FBXL17: variants seen among roughly 807,000 people sequenced by gnomAD.
FBXL17 encodes F-box and leucine rich repeat protein 17.
In FBXL17, 22 loss-of-function variants were observed where a neutral mutation model predicts 66.2. That is an observed-to-expected ratio of 0.33 (90% CI 0.24 to 0.47). FBXL17 has a LOEUF of 0.47. FBXL17 is among the 20% of genes least tolerant of loss of function. FBXL17 has a pLI of 1.00. For synonymous variants in FBXL17, 474 were observed against 400.5 expected (o/e 1.18, Z -2.19); for missense variants, 878 against 948.2 (o/e 0.93, Z 0.97).
At chr5:107,979,948 T>A (rs1336518118) in intron 7 of FBXL17, among the ~76,000 whole-genome samples, 1 of 152,352 alleles carries the variant, frequency 6.6e-6, no homozygotes, top group African/African-American at 2.4e-5. Context: ...TAATGGTTTC[T>A]AAATATAAAT....
intron 6 of FBXL17, among the ~76,000 whole-genome samples, chr5:108,163,933 T>G (rs1231263876): frequency 5.3e-5 from 8 of 152,220 alleles, no homozygotes; most frequent in African/African-American, 1.7e-4. Flanking sequence ...ACATGCTAGG[T>G]CATCTAAAAC....
chr5:107,910,073 C>T (rs1001026572), intron 7 of FBXL17, among the ~76,000 whole-genome samples: 4 of 145,740 alleles, frequency 2.7e-5, no homozygotes, highest in African/African-American at 1.0e-4. Flanking sequence ...CAAATAAATG[C>T]AACTCAGAAT....
At chr5:108,206,524 C>T (rs985526715) in intron 5 of FBXL17, among the ~76,000 whole-genome samples, 27 of 152,138 alleles carry the variant, frequency 1.8e-4, no homozygotes, top group African/African-American at 5.6e-4. Context: ...CATTGTACTC[C>T]TTCCTTTTTG....
intron 6 of FBXL17, among the ~76,000 whole-genome samples, chr5:108,176,567 A>T (rs552634570): frequency 1.5e-4 from 23 of 152,270 alleles, no homozygotes; most frequent in African/African-American, 5.5e-4. Context: ...CAACATGGAG[A>T]ATCAATAAGC....
At chr5:107,888,267 T>C (rs527821811) in intron 7 of FBXL17, among the ~76,000 whole-genome samples, 8 of 152,334 alleles carry the variant, frequency 5.3e-5, no homozygotes, top group African/African-American at 1.7e-4. Context: ...CCCCATTAGA[T>C]TGTAAAATCC....
chr5:108,263,474 T>C (rs1286447881), intron 4 of FBXL17, among the ~76,000 whole-genome samples: 1 of 152,140 alleles, frequency 6.6e-6, no homozygotes, highest in Non-Finnish European at 1.5e-5. Context: ...GGTCCATAAA[T>C]TTGGATGGAA....
chr5:108,238,868 C>G (rs1755726171), intron 4 of FBXL17, among the ~76,000 whole-genome samples: 1 of 152,020 alleles, frequency 6.6e-6, no homozygotes, highest in Non-Finnish European at 1.5e-5. Context: ...GGAAAGCAGC[C>G]AAACACATGA....
chr5:108,368,231 T>TA (rs928797853), intron 1 of FBXL17, among the ~76,000 whole-genome samples: 71 of 145,726 alleles, frequency 4.9e-4, no homozygotes, highest in Non-Finnish European at 8.3e-4. Context: ...TGCTTATATT[T>TA]AAAAAAAAAA....
At chr5:108,101,645 T>C (rs1023650655) in intron 6 of FBXL17, among the ~76,000 whole-genome samples, 1 of 152,238 alleles carries the variant, frequency 6.6e-6, no homozygotes, top group Non-Finnish European at 1.5e-5. Context: ...AGAAAATGTT[T>C]ATAATTAGCC....
chr5:108,291,911 C>T (rs1351497873), intron 4 of FBXL17, among the ~76,000 whole-genome samples: 9 of 152,074 alleles, frequency 5.9e-5, no homozygotes, highest in East Asian at 1.9e-4. Flanking sequence ...ACCCTCTCTC[C>T]TCTCACTATC....
intron 4 of FBXL17, among the ~76,000 whole-genome samples, chr5:108,320,508 T>C (rs1396716357): frequency 6.6e-6 from 1 of 151,832 alleles, no homozygotes; most frequent in Non-Finnish European, 1.5e-5. Flanking sequence ...AATTGGACTA[T>C]AATAATTCAA....
rs1028070293 is a variant in FBXL17, at chr5:108,361,209, T to C, written c.1374+3529A>G. On this transcript the variant is annotated intron_variant, in intron 3 of 8. Transcript: ENST00000542267. ...ATTAAAATATTAGATTATAATGTGG[T>C]AACTTGGGAAATTAGATTCTCCCCA... Among the ~76,000 whole-genome samples, 12 of 152,266 alleles carry C rather than the reference T, an allele frequency of 7.9e-5. No individual in the cohort carries two copies. The East Asian group carries it at 2.3e-3, about 29-fold the overall frequency.
At chr5:107,871,069 A>AAAAAAAAAAAAAACAAAAC (rs1456052737) in intron 8 of FBXL17, among the ~76,000 whole-genome samples, 2 of 130,170 alleles carry the variant, frequency 1.5e-5, no homozygotes, top group African/African-American at 6.4e-5. Flanking sequence ...AAAAAAAAAA[A>AAAAAAAAAAAAAACAAAAC]AAAAAAAAAA....
In FBXL17 at chr5:107,861,470, C is replaced by T. The variant is rs1270791312; in HGVS notation, c.*250G>A. On this transcript the variant is annotated 3_prime_UTR_variant, in exon 9 of 9. Transcript: ENST00000542267. Reference sequence around the variant, plus strand: ...AATTTTTTTTTAAAGAGAAAGAAGCCTTTGAAGTTAAAAACTAAAAAGTTT... The same window carrying T: ...AATTTTTTTTTAAAGAGAAAGAAGCTTTTGAAGTTAAAAACTAAAAAGTTT... 3 of 300,708 alleles carry T rather than the reference C, an allele frequency of 1.0e-5. No homozygotes were observed. The highest frequency in any genetic ancestry group is 1.8e-5 in the Non-Finnish European group (3 of 166,440). The allele number at this position is 300,708 out of a possible 1,614,324, so 18.6% of individuals were successfully genotyped here.
At chr5:108,362,061 C>T (rs1022260306) in intron 3 of FBXL17, among the ~76,000 whole-genome samples, 2 of 152,126 alleles carry the variant, frequency 1.3e-5, no homozygotes, top group African/African-American at 2.4e-5. Context: ...AGAGTTCTGA[C>T]AAAGTTGGAT....
intron 7 of FBXL17, among the ~76,000 whole-genome samples, chr5:107,926,013 T>A (rs1433054): frequency 0.41 from 61,627 of 152,000 alleles, 13,468 homozygotes; most frequent in African/African-American, 0.55. Context: ...GACTGAGCAC[T>A]TTCTCTACAC....
intron 6 of FBXL17, among the ~76,000 whole-genome samples, chr5:108,164,197 ATTAAT>A: frequency 6.6e-6 from 1 of 152,378 alleles, no homozygotes; most frequent in Non-Finnish European, 1.5e-5. Context: ...TAAGCACATA[ATTAAT>A]TTATTATCCA....
intron 6 of FBXL17, among the ~76,000 whole-genome samples, chr5:108,183,949 T>C (rs1753117604): frequency 6.6e-6 from 1 of 152,126 alleles, no homozygotes; most frequent in South Asian, 2.1e-4. Context: ...GGTGATCACA[T>C]ACCCATTCTA....
At chr5:107,986,190 G>T (rs903155788) in intron 7 of FBXL17, among the ~76,000 whole-genome samples, 28 of 151,968 alleles carry the variant, frequency 1.8e-4, no homozygotes, top group African/African-American at 6.8e-4. Context: ...TTTAATATCT[G>T]ATACAGGTAT....
Sources: gnomAD v4.1 joint callset for allele counts (sites outside exome capture counted in the v4.1 genomes callset) on GRCh38, gnomAD v4.1.1 for gene constraint, MANE v1.5 for transcripts, NCBI Gene and HGNC (gene_info 2026-07-23, HGNC 2026-07-21) for gene names.